TUBB4A: variants seen among roughly 807,000 people sequenced by gnomAD.
TUBB4A encodes tubulin beta 4A class IVa.
Under a neutral mutation model 35.1 loss-of-function variants are expected in TUBB4A, and 13 were observed. That is an observed-to-expected ratio of 0.37 (90% CI 0.24 to 0.59). TUBB4A has a LOEUF of 0.59. Among genes scored for constraint, TUBB4A ranks in the 20% least tolerant of loss-of-function variants. The pLI is 0.71. For synonymous variants in TUBB4A, 279 were observed against 272.4 expected, an observed-to-expected ratio of 1.02 and a Z score of -0.24; for missense variants, 299 against 647.2, an observed-to-expected ratio of 0.46 and a Z score of 5.84.
chr19:6,502,458 G>A, upstream of TUBB4A: 2 of 482,602 alleles, frequency 4.1e-6, no homozygotes, highest in Non-Finnish European at 7.2e-6. Context: ...CTCCCCAGGG[G>A]GCCTCCCAGA....
chr19:6,502,384 C>T, upstream of TUBB4A: 1 of 681,772 alleles, frequency 1.5e-6, no homozygotes, highest in South Asian at 2.4e-5. Flanking sequence ...CCCGCTCCGC[C>T]CCTTGGTCCC....
chr19:6,499,446 G>A (rs549401824), intron 3 of TUBB4A, among the ~76,000 whole-genome samples: 7 of 152,160 alleles, frequency 4.6e-5, no homozygotes, highest in Non-Finnish European at 1.0e-4. Flanking sequence ...AGTAAGAGGC[G>A]AGTTGCGGAA....
chr19:6,499,570 T>C (rs558000206), intron 3 of TUBB4A, among the ~76,000 whole-genome samples: 3 of 152,140 alleles, frequency 2.0e-5, no homozygotes, highest in African/African-American at 7.2e-5. Flanking sequence ...CAGGAAAGCT[T>C]TCCCGGAAGG....
Position 6,496,010 on chromosome 19 carries a change from G to A in TUBB4A, c.489C>T (p.Ile163=), listed in dbSNP as rs777883701. ...AGGGCACCACGCTGAAGGTGTTCAT[G>A]ATGCGGTCTGGGAACTCCTCGCGGA... ...SKIREEFPDR[I]MNTFSVVPSP... is the part of the protein sequence containing the mutation. The change falls in exon 4 of 4, where the codon ATC becomes ATT. Residue 163 remains isoleucine (I), a synonymous_variant. Coordinates refer to ENST00000264071, the MANE Select transcript of TUBB4A (RefSeq NM_006087.4). 6.2e-7 allele frequency: 1 copy of A among 1,614,088 alleles called. No homozygotes were observed. Among genetic ancestry groups the A allele is most frequent in the African/African-American group, 1.3e-5 (1 of 74,920 alleles).
chr19:6,502,134 C>T, intron 1 of TUBB4A, 22 bp downstream of exon 1: 3 of 1,553,534 alleles, frequency 1.9e-6, no homozygotes, highest in East Asian at 2.5e-5. Flanking sequence ...CACTGCCTCC[C>T]CGGGCCCCGT....
At chr19:6,496,331 CA>C in intron 3 of TUBB4A, 110 bp from the exon 4 acceptor site, 2 of 1,074,604 alleles carry the variant, frequency 1.9e-6, no homozygotes, top group Admixed American at 2.7e-5. Flanking sequence ...TAGTAACTAT[CA>C]AAAATAATAA....
At position 6,495,058 on chromosome 19, in the gene TUBB4A, A is replaced by T; in HGVS notation, c.*106T>A. The T allele has an allele frequency of 7.5e-7, 1 of 1,341,160 alleles. No individual in the cohort carries two copies. The highest frequency in any genetic ancestry group is 2.2e-5 in the Admixed American group (1 of 46,156). The allele number at this position is 1,341,160 out of a possible 1,614,324, so 83.1% of individuals were successfully genotyped here. ...AAAGGTATTGTTAGGGTCAGCGGGG[A>T]GTCAGCCTTGGAGGGAAAGCGGGGC... is the stretch of plus-strand genomic sequence containing the variant. On this transcript the variant is annotated 3_prime_UTR_variant, in exon 4 of 4. Transcript: ENST00000264071. This position sits in a 1 kb window ranked among gnomAD's most constrained non-coding sequence, Gnocchi z 8.7.
chr19:6,498,069 G>A (rs1914343167), intron 3 of TUBB4A, among the ~76,000 whole-genome samples: 1 of 151,428 alleles, frequency 6.6e-6, no homozygotes, highest in Admixed American at 6.6e-5. Context: ...AAATTAGCTG[G>A]ATGTGGTGGT....
intron 3 of TUBB4A, 106 bp from the exon 4 acceptor site, chr19:6,496,327 C>G (rs1413659659): frequency 7.3e-6 from 8 of 1,097,738 alleles, no homozygotes; most frequent in Non-Finnish European, 1.0e-5. Flanking sequence ...ATACTAGTAA[C>G]TATCAAAAAT....
chr19:6,498,083 T>C (rs1198788132), intron 3 of TUBB4A, among the ~76,000 whole-genome samples: 11 of 148,294 alleles, frequency 7.4e-5, no homozygotes, highest in South Asian at 2.1e-4. Context: ...TGGTGGTGGG[T>C]GCCTGTAGTC....
chr19:6,502,428 G>A (rs1390396039), upstream of TUBB4A: 1 of 542,880 alleles, frequency 1.8e-6, no homozygotes, highest in Admixed American at 4.3e-5. Flanking sequence ...GGGGTGGGGG[G>A]AGGTGGTGCA....
chr19:6,499,026 T>A (rs1355486055), intron 3 of TUBB4A, among the ~76,000 whole-genome samples: 1 of 152,030 alleles, frequency 6.6e-6, no homozygotes, highest in Non-Finnish European at 1.5e-5. Context: ...GGGAGGAGCA[T>A]TAAAAGTGTG....
In TUBB4A at chr19:6,496,409, C is replaced by A. The variant is rs1293338493; in HGVS notation, c.278-188G>T. The A allele has an allele frequency of 1.2e-5, 7 of 575,046 alleles. No individual in the cohort carries two copies. The Middle Eastern group carries it at 1.4e-3, about 117-fold the overall frequency. 35.6% of individuals were successfully genotyped at this position (575,046 alleles called of 1,614,324 possible). A position where few individuals can be genotyped will look rare whatever the true frequency, so the allele number is the denominator to read the frequency against. ...CTTTGGGAGGCCGAGGTGGGCGGAT[C>A]ACGAGGTCAGGAGATCGAGACCATC... On this transcript the variant is annotated intron_variant, in intron 3 of 3. Transcript: ENST00000264071.
chr19:6,502,015 C>G, intron 1 of TUBB4A, 141 bp downstream of exon 1: 3 of 935,690 alleles, frequency 3.2e-6, no homozygotes, highest in Admixed American at 3.2e-5. Flanking sequence ...CGACCCTTCC[C>G]CCAAGGCCCC....
chr19:6,499,722 A>C (rs1448310521), intron 3 of TUBB4A, among the ~76,000 whole-genome samples: 1 of 152,158 alleles, frequency 6.6e-6, no homozygotes, highest in Admixed American at 6.5e-5. Flanking sequence ...AAACAACGAC[A>C]AATGCTTATT....
At chr19:6,500,960 A>C in intron 3 of TUBB4A, 1 of 282,388 alleles carries the variant, frequency 3.5e-6, no homozygotes, top group Non-Finnish European at 6.7e-6. Flanking sequence ...AGGGCCTGGT[A>C]TGCAGTGAGT....
intron 3 of TUBB4A, among the ~76,000 whole-genome samples, chr19:6,500,274 GCA>G (rs909658460): frequency 6.6e-6 from 1 of 151,828 alleles, no homozygotes. Flanking sequence ...GACTACAGGT[GCA>G]CACCACCTCA....
chr19:6,497,898 C>CA (rs1179837262), intron 3 of TUBB4A, among the ~76,000 whole-genome samples: 17,900 of 42,134 alleles, frequency 0.42, 4,010 homozygotes, highest in East Asian at 0.56. Flanking sequence ...GACTCCGTCT[C>CA]AAAAAAAAAA....
rs555937850 is a variant in TUBB4A at position 6,499,798 on chromosome 19, A to ATT, written c.277+1487_277+1488dup. Among the ~76,000 whole-genome samples, 88 of 143,768 alleles carry ATT rather than the reference A, an allele frequency of 6.1e-4. No individual in the cohort carries two copies. In the South Asian group the frequency reaches 6.9e-3, roughly 11 times the overall value. The allele number at this position is 143,768 out of a possible 152,430, so 94.3% of individuals were successfully genotyped here. On this transcript the variant is annotated intron_variant, in intron 3 of 3. Coordinates refer to ENST00000264071, the MANE Select transcript of TUBB4A (RefSeq NM_006087.4). ...CATATTCATGACTTTAAGCTTCACA[A>ATT]TTTTTTTTTTTTTTTGGAGACGAAG...
Sources: allele counts gnomAD v4.1 joint callset (sites outside exome capture counted in the v4.1 genomes callset), GRCh38; gene constraint gnomAD v4.1.1; non-coding constraint Gnocchi (gnomAD v3.1); transcripts MANE v1.5; gene names NCBI Gene and HGNC (gene_info 2026-07-23, HGNC 2026-07-21).